The following FAM13A variants were observed in gnomAD, a reference collection of about 807,000 sequenced individuals.
FAM13A encodes the protein protein FAM13A.
In FAM13A, 76 loss-of-function variants were observed where a neutral mutation model predicts 129.6. The ratio of observed to expected loss-of-function variants is 0.59; its 90% CI spans 0.49 to 0.71. The LOEUF is 0.71. Among genes scored for constraint, FAM13A ranks in the 30% least tolerant of loss-of-function variants. The pLI is 0.00. For synonymous variants in FAM13A, 443 were observed against 449.9 expected, an observed-to-expected ratio of 0.98 and a Z score of 0.20; for missense variants, 1,108 against 1,249.3, an observed-to-expected ratio of 0.89 and a Z score of 1.70.
At chr4:88,985,468 A>G (rs533296212) in intron 4 of FAM13A, among the ~76,000 whole-genome samples, 28 of 152,354 alleles carry the variant, frequency 1.8e-4, no homozygotes, top group African/African-American at 6.5e-4. Flanking sequence ...CGGTGTCTCA[A>G]TAAAACTCTT....
rs549423199 is a variant in FAM13A, at chr4:88,940,262, G to T, written c.606-2021C>A. Among the ~76,000 whole-genome samples the T allele has an allele frequency of 6.4e-4, 98 of 152,268 alleles. 1 individual carries two copies. Among genetic ancestry groups the T allele is most frequent in the African/African-American group, 2.4e-3 (98 of 41,560 alleles). On this transcript the variant is annotated intron_variant, in intron 4 of 23. Coordinates refer to ENST00000264344, the MANE Select transcript of FAM13A (RefSeq NM_014883.4). ...TCTTAACTGACCCCTGGACCTTAAG[G>T]ACACCACTGATGAGGGCTCAGAGGG...
At chr4:88,856,411 G>T (rs552972833) in intron 6 of FAM13A, among the ~76,000 whole-genome samples, 4 of 152,130 alleles carry the variant, frequency 2.6e-5, no homozygotes, top group Non-Finnish European at 4.4e-5. Flanking sequence ...TTGAGTCCAG[G>T]AGGTTGAGGC....
chr4:88,851,253 G>A (rs1215902809), intron 6 of FAM13A, 70 bp from the exon 7 acceptor site: 2 of 1,341,408 alleles, frequency 1.5e-6, no homozygotes, highest in Non-Finnish European at 2.0e-6. Context: ...TTAAGTTTAT[G>A]ATAAAAGACA....
At chr4:88,793,329 A>G (rs560588155) in intron 8 of FAM13A, among the ~76,000 whole-genome samples, 4 of 152,050 alleles carry the variant, frequency 2.6e-5, no homozygotes, top group Non-Finnish European at 4.4e-5. Context: ...GTTGTAGAGC[A>G]CATTTCTCAG....
intron 6 of FAM13A, among the ~76,000 whole-genome samples, chr4:88,853,580 C>T (rs756867918): frequency 4.6e-5 from 7 of 152,150 alleles, no homozygotes; most frequent in Non-Finnish European, 7.3e-5. Context: ...AGATTTAGTT[C>T]CCTGCCCATA....
At chr4:88,773,982 G>C (rs1006113117) in intron 11 of FAM13A, among the ~76,000 whole-genome samples, 1 of 152,076 alleles carries the variant, frequency 6.6e-6, no homozygotes, top group African/African-American at 2.4e-5. Context: ...TGGCTATGAA[G>C]CTTTAGGTGA....
intron 4 of FAM13A, among the ~76,000 whole-genome samples, chr4:88,968,417 TA>T (rs1759624797): frequency 6.6e-6 from 1 of 152,188 alleles, no homozygotes; most frequent in Non-Finnish European, 1.5e-5. Flanking sequence ...AGTAGCAAGG[TA>T]AAATTGACTC....
At chr4:88,838,527 G>A (rs1276368282) in intron 7 of FAM13A, among the ~76,000 whole-genome samples, 1 of 151,966 alleles carries the variant, frequency 6.6e-6, no homozygotes, top group Non-Finnish European at 1.5e-5. Flanking sequence ...CACGAGGTCA[G>A]GAGATGGAGA....
At chr4:88,853,315 G>A (rs1042358957) in intron 6 of FAM13A, among the ~76,000 whole-genome samples, 12 of 151,942 alleles carry the variant, frequency 7.9e-5, no homozygotes, top group Non-Finnish European at 1.6e-4. Flanking sequence ...TAACATATGC[G>A]TTACCTCACA....
chr4:88,923,599 C>A (rs1425322171), intron 5 of FAM13A, among the ~76,000 whole-genome samples: 3 of 152,148 alleles, frequency 2.0e-5, no homozygotes, highest in African/African-American at 7.2e-5. Flanking sequence ...CAATATCATA[C>A]TGAATGGGCA....
At chr4:88,919,802 A>C (rs1418054270) in intron 5 of FAM13A, among the ~76,000 whole-genome samples, 1 of 152,242 alleles carries the variant, frequency 6.6e-6, no homozygotes, top group African/African-American at 2.4e-5. Flanking sequence ...AGTCAAAGAA[A>C]GGGGTGACAG....
At chr4:88,748,662 C>G (rs1013900403) in intron 17 of FAM13A, among the ~76,000 whole-genome samples, 5 of 152,206 alleles carry the variant, frequency 3.3e-5, no homozygotes, top group African/African-American at 1.2e-4. Flanking sequence ...CAAATGGAGA[C>G]TTGGATTAAA....
chr4:88,827,231 T>C (rs889060799), intron 7 of FAM13A, among the ~76,000 whole-genome samples: 2 of 152,238 alleles, frequency 1.3e-5, no homozygotes, highest in Non-Finnish European at 2.9e-5. Flanking sequence ...GTGATCTTTC[T>C]TGGGAATTCA....
chr4:88,731,279 G>A, intron 23 of FAM13A, 48 bp downstream of exon 23: 1 of 1,011,010 alleles, frequency 9.9e-7, no homozygotes, highest in Non-Finnish European at 1.5e-6. Flanking sequence ...GGATGGGTGT[G>A]TGTGGTGCGG....
intron 13 of FAM13A, among the ~76,000 whole-genome samples, chr4:88,764,391 A>G (rs1393392435): frequency 6.6e-6 from 1 of 152,186 alleles, no homozygotes; most frequent in Non-Finnish European, 1.5e-5. Flanking sequence ...AATAATTCTT[A>G]CTTGTTTTGA....
intron 21 of FAM13A, among the ~76,000 whole-genome samples, chr4:88,737,120 A>G (rs1224263397): frequency 6.6e-6 from 1 of 152,210 alleles, no homozygotes; most frequent in Non-Finnish European, 1.5e-5. Flanking sequence ...ATACAGAAAA[A>G]TCCATTCCCC....
chr4:88,977,325 T>C (rs11737182), intron 4 of FAM13A, among the ~76,000 whole-genome samples: 107,355 of 151,994 alleles, frequency 0.71, 38,148 homozygotes, highest in Middle Eastern at 0.8. Flanking sequence ...AGAGTGGATA[T>C]GATGTGCAAA....
At position 89,055,449 on chromosome 4, in the gene FAM13A, T is replaced by C. The variant is rs536701315; in HGVS notation, c.27+1489A>G. Among the ~76,000 whole-genome samples the C allele has an allele frequency of 3.3e-5, 5 of 152,276 alleles. No individual in the cohort carries two copies. The East Asian group carries it at 9.6e-4, about 29-fold the overall frequency. On this transcript the variant is annotated intron_variant, in intron 1 of 23. Coordinates refer to ENST00000264344, the MANE Select transcript of FAM13A (RefSeq NM_014883.4). Reference sequence around the variant, plus strand: ...TTTAACTGAAATTTTATACATGCTTTGGATATAAATTAAGGGAAAATATAA... The same window carrying C: ...TTTAACTGAAATTTTATACATGCTTCGGATATAAATTAAGGGAAAATATAA...
intron 4 of FAM13A, among the ~76,000 whole-genome samples, chr4:88,985,434 A>G (rs960248736): frequency 1.3e-5 from 2 of 152,220 alleles, no homozygotes; most frequent in Non-Finnish European, 2.9e-5. Context: ...TATACTTCAC[A>G]TGGCAAATTG....
Sources: allele counts gnomAD v4.1 joint callset (sites outside exome capture counted in the v4.1 genomes callset), GRCh38; gene constraint gnomAD v4.1.1; transcripts MANE v1.5; gene names NCBI Gene and HGNC (gene_info 2026-07-23, HGNC 2026-07-21).